The following SH2B1 variants were observed in gnomAD, a reference collection of about 807,000 sequenced individuals.
SH2B1 encodes SH2B adaptor protein 1, also known as SH2B adapter protein 1.
SH2B1 carries 15 observed loss-of-function variants against 62.6 expected under a neutral mutation model. That is an observed-to-expected ratio of 0.24 (90% CI 0.16 to 0.37). SH2B1 has a LOEUF of 0.37. Among genes scored for constraint, SH2B1 ranks in the 10% least tolerant of loss-of-function variants. The pLI is 1.00. For missense variants in SH2B1, 925 were observed against 1,015.6 expected (o/e 0.91, Z 1.21); for synonymous variants, 443 against 438.0 (o/e 1.01, Z -0.14).
At chr16:28,868,650 G>T (rs568828595) in intron 2 of SH2B1, among the ~76,000 whole-genome samples, 55 of 152,192 alleles carry the variant, frequency 3.6e-4, no homozygotes, top group Non-Finnish European at 6.2e-4. Flanking sequence ...TAGAGACAGG[G>T]TTTCACCACA....
At chr16:28,863,428 C>T, upstream of SH2B1, 1 of 444,428 alleles carries the variant, frequency 2.3e-6, no homozygotes, top group Admixed American at 4.0e-5. Context: ...TGGCGTTGTC[C>T]GCGTGCCCCT....
chr16:28,851,056 C>T (rs1962087741), intron 1 of SH2B1, among the ~76,000 whole-genome samples: 1 of 150,934 alleles, frequency 6.6e-6, no homozygotes, highest in Non-Finnish European at 1.5e-5. Context: ...TGCCTGTAGT[C>T]CCAGCTACTC....
In SH2B1 at chr16:28,866,799, G is replaced by A. The variant is rs144659309; in HGVS notation, c.705G>A (p.Arg235=). 138 of 1,583,152 alleles carry A rather than the reference G, an allele frequency of 8.7e-5. 2 individuals are homozygous for A. In the African/African-American group the frequency reaches 1.5e-3, roughly 17 times the overall value. The change falls in exon 1 of 8, where the codon CGG becomes CGA. Residue 235 remains arginine (R), a synonymous_variant. Coordinates refer to ENST00000684370, the MANE Select transcript of SH2B1 (RefSeq NM_001387430.1). This position sits in a 1 kb window ranked among gnomAD's most constrained non-coding sequence, Gnocchi z 6.3. ...GTTTTGAGAGGCTGAGACTCAGTCG[G>A]GGAGGGGGCGCCTTGAAGGATGGAG... ...THRFERLRLS[R]GGGALKDGAG...
intron 1 of SH2B1, among the ~76,000 whole-genome samples, chr16:28,853,546 G>A (rs1962256283): frequency 6.9e-6 from 1 of 145,702 alleles, no homozygotes; most frequent in Non-Finnish European, 1.5e-5. Flanking sequence ...TGTAGAGACG[G>A]GGTCTCCCTA....
At chr16:28,857,751 T>A (rs542696722) in intron 1 of SH2B1, among the ~76,000 whole-genome samples, 2 of 151,636 alleles carry the variant, frequency 1.3e-5, no homozygotes, top group East Asian at 3.9e-4. Context: ...CTTTTTTTTT[T>A]TTTTTTGAGA....
Position 28,871,865 on chromosome 16 carries a change from G to A in SH2B1, c.1395G>A (p.Met465Ile). 1.2e-6 allele frequency: 2 copies of A among 1,610,314 alleles called. No homozygotes were observed. The highest frequency in any genetic ancestry group is 1.1e-5 in the South Asian group (1 of 90,986). ...TTGCCGCCTCCCATTTTGACTCGAT[G>A]GAACTGCTTCCCCCAGAGTTGCCCC... The part of the protein sequence containing the change: ...ASIAASHFDS[M>I]ELLPPELPPR... Residue 465 changes from methionine to isoleucine, a missense_variant, in exon 5 of 8, where the codon ATG (methionine) becomes ATA (isoleucine). Met to Ile is a conservative substitution (Grantham distance 10, BLOSUM62 1). Transcript: ENST00000684370.
At chr16:28,849,420 CTG>C (rs1245786867) in intron 1 of SH2B1, among the ~76,000 whole-genome samples, 6 of 152,210 alleles carry the variant, frequency 3.9e-5, no homozygotes, top group African/African-American at 9.6e-5. Context: ...TGTTTCTACT[CTG>C]TACCTAAGTC....
At chr16:28,867,837 A>G (rs1402122976) in intron 2 of SH2B1, among the ~76,000 whole-genome samples, 1 of 152,078 alleles carries the variant, frequency 6.6e-6, no homozygotes, top group Non-Finnish European at 1.5e-5. Context: ...TTTGTTACTT[A>G]CTTACATTTG....
At position 28,865,502 on chromosome 16, in the gene SH2B1, C is replaced by T; in HGVS notation, c.-593C>T. ...GTGAGGTGCTATGGCTGAGGCTGGC[C>T]CAGCCGGGCCCTGGGGACAGGGACT... On this transcript the variant is annotated 5_prime_UTR_variant, in exon 1 of 8. Transcript: ENST00000684370. 1 of 985,620 alleles carries T rather than the reference C, an allele frequency of 1.0e-6. No homozygotes were observed. The highest frequency in any genetic ancestry group is 1.2e-6 in the Non-Finnish European group (1 of 829,978). The allele number at this position is 985,620 out of a possible 1,614,324, so 61.1% of individuals were successfully genotyped here.
At chr16:28,855,344 C>T (rs1192136492) in intron 1 of SH2B1, among the ~76,000 whole-genome samples, 1 of 151,796 alleles carries the variant, frequency 6.6e-6, no homozygotes. Flanking sequence ...CTCAGCTTCC[C>T]AAGTAGCTGG....
At position 28,872,386 on chromosome 16, in the gene SH2B1, C is replaced by T. The variant is rs1349518694; in HGVS notation, c.1710C>T (p.Phe570=). The change falls in exon 6 of 8, where the codon TTC becomes TTT. Residue 570 remains phenylalanine (F), a synonymous_variant. Coordinates refer to ENST00000684370, the MANE Select transcript of SH2B1 (RefSeq NM_001387430.1). This position sits in a 1 kb window ranked among gnomAD's most constrained non-coding sequence, Gnocchi z 5.3. ...RRGEYVLTFN[F]QGKAKHLRLS... The stretch of plus-strand genomic sequence containing the variant: ...GTGAATACGTCCTCACCTTCAACTT[C>T]CAGGGCAAGGCCAAGGTGAGCCACC... The T allele has an allele frequency of 1.2e-6, 2 of 1,605,796 alleles. No individual in the cohort carries two copies. Among genetic ancestry groups the T allele is most frequent in the Admixed American group, 3.4e-5 (2 of 59,664 alleles).
In SH2B1 at chr16:28,871,959, T is replaced by C; in HGVS notation, c.1489T>C (p.Leu497=). The change falls in exon 5 of 8, where the codon TTG becomes CTG. Residue 497 remains leucine (L), a synonymous_variant. Transcript: ENST00000684370. ...VHPLSAPYPP[L]DTPETATGSF... ...TCCCCTCTCAGCCCCCTACCCTCCC[T>C]TGGACACTCCGGAAACAGCCACAGG... 1 of 1,587,292 alleles carries C rather than the reference T, an allele frequency of 6.3e-7. No individual in the cohort carries two copies. The highest frequency in any genetic ancestry group is 1.1e-5 in the South Asian group (1 of 90,268).
In SH2B1 at chr16:28,864,993, G is replaced by A. The variant is rs1271219638; in HGVS notation, c.-1102G>A. The stretch of plus-strand genomic sequence containing the variant: ...CAGAGAGGACGTGGAATTTGTTCAA[G>A]ATAACATCGCTCATAAGGTGGCTGG... On this transcript the variant is annotated 5_prime_UTR_variant, in exon 1 of 8. Transcript: ENST00000684370. 12 of 661,182 alleles carry A rather than the reference G, an allele frequency of 1.8e-5. No homozygotes were observed. The highest frequency in any genetic ancestry group is 2.2e-5 in the Non-Finnish European group (12 of 534,182). The allele number at this position is 661,182 out of a possible 1,614,324, so 41.0% of individuals were successfully genotyped here.
Position 28,852,837 on chromosome 16 carries a change from T to TAC in SH2B1, c.-301+6011_-301+6012insCA, listed in dbSNP as rs1567459290. Among the ~76,000 whole-genome samples, 31 of 77,804 alleles carry TAC rather than the reference T, an allele frequency of 4.0e-4. 1 individual carries two copies. The East Asian group carries it at 4.2e-3, about 11-fold the overall frequency. 51.0% of individuals were successfully genotyped at this position (77,804 alleles called of 152,430 possible). On this transcript the variant is annotated intron_variant, in intron 1 of 10. Coordinates refer to the SH2B1 transcript ENST00000322610. ...ATATTTACATATATATTTATATATATATACATATATATATTTTTATATATA... is the reference window on the plus strand; with the variant it reads ...ATATTTACATATATATTTATATATATACATACATATATATATTTTTATATATA...
chr16:28,866,304 G>A lies in SH2B1; in HGVS notation c.210G>A (p.Glu70=), dbSNP rs1962688476. The A allele has an allele frequency of 1.9e-6, 3 of 1,610,956 alleles. No individual in the cohort carries two copies. The highest frequency in any genetic ancestry group is 1.3e-5 in the African/African-American group (1 of 74,892). ...CTGCCTTCTCCCGCCGTTTTGCTGA[G>A]CTCTTCCTGCAGCACTTTGAAGCCG... ...AEAAFSRRFA[E]LFLQHFEAEV... is the part of the protein sequence containing the mutation. The change falls in exon 1 of 8, where the codon GAG becomes GAA. Residue 70 remains glutamate (E), a synonymous_variant. Coordinates refer to ENST00000684370, the MANE Select transcript of SH2B1 (RefSeq NM_001387430.1). This position sits in a 1 kb window ranked among gnomAD's most constrained non-coding sequence, Gnocchi z 6.3.
rs762803968 is a variant in SH2B1 at position 28,866,751 on chromosome 16, C to T, written c.657C>T (p.Ser219=). The T allele has an allele frequency of 5.7e-6, 9 of 1,577,962 alleles. No homozygotes were observed. The highest frequency in any genetic ancestry group is 1.7e-4 in the Middle Eastern group (1 of 5,828). The change falls in exon 1 of 8, where the codon TCC becomes TCT. Residue 219 remains serine, a synonymous_variant. Coordinates refer to ENST00000684370, the MANE Select transcript of SH2B1 (RefSeq NM_001387430.1). The surrounding 1 kb of genome is among the most constrained non-coding windows in gnomAD (Gnocchi z 6.3). ...GGGGACTGGTCAGTGATGGAACGTC[C>T]CCTGGGGAAAGATGGACTCACCGTT... ...VGRGLVSDGT[S]PGERWTHRFE... is the part of the protein sequence containing the mutation.
chr16:28,870,115 C>T (rs949209858), intron 4 of SH2B1, among the ~76,000 whole-genome samples: 5 of 152,236 alleles, frequency 3.3e-5, no homozygotes, highest in South Asian at 2.1e-4. Context: ...CACCACACGC[C>T]TGTCTTCTGA....
chr16:28,849,755 C>A (rs1244774456), intron 1 of SH2B1, among the ~76,000 whole-genome samples: 1 of 151,614 alleles, frequency 6.6e-6, no homozygotes, highest in East Asian at 1.9e-4. Context: ...GGTGAAATCC[C>A]GTCTTTACTA....
intron 1 of SH2B1, among the ~76,000 whole-genome samples, chr16:28,847,816 CTTTTTTTTTTTT>C (rs34950443): frequency 7.1e-5 from 6 of 84,244 alleles, no homozygotes; most frequent in Admixed American, 2.4e-4. Flanking sequence ...AAGACCCCAT[CTTTTTTTTTTTT>C]TTTTTTTTTT....
Sources: gnomAD v4.1 joint callset for allele counts (sites outside exome capture counted in the v4.1 genomes callset) on GRCh38, gnomAD v4.1.1 for gene constraint, Gnocchi (gnomAD v3.1) non-coding constraint, MANE v1.5 for transcripts, NCBI Gene and HGNC (gene_info 2026-07-23, HGNC 2026-07-21) for gene names.